The following NUDCD1 variants were observed in gnomAD, a reference collection of about 807,000 sequenced individuals.
NUDCD1 encodes nudC domain-containing protein 1.
Under a neutral mutation model 67.8 loss-of-function variants are expected in NUDCD1, and 60 were observed. That is an observed-to-expected ratio of 0.88 (90% confidence interval 0.72 to 1.10). NUDCD1 has a LOEUF of 1.10. NUDCD1 is among the 50% of genes least tolerant of loss of function. The probability of loss-of-function intolerance (pLI) is 0.00; values close to 1 mark genes in which losing one functional copy is unlikely to be tolerated. For synonymous variants in NUDCD1, 244 were observed against 230.8 expected (o/e 1.06, Z -0.52); for missense variants, 643 against 695.0 (o/e 0.93, Z 0.84).
At chr8:109,266,421 T>G (rs1302808134) in intron 8 of NUDCD1, among the ~76,000 whole-genome samples, 12 of 148,436 alleles carry the variant, frequency 8.1e-5, no homozygotes, top group Admixed American at 2.7e-4. Flanking sequence ...TTTTTTCGTA[T>G]TTTCAGTAGA....
chr8:109,244,759 T>C (rs1813455795), intron 9 of NUDCD1, among the ~76,000 whole-genome samples: 1 of 152,204 alleles, frequency 6.6e-6, no homozygotes, highest in Non-Finnish European at 1.5e-5. Context: ...TATAATTAAG[T>C]AGTTTAAACA....
chr8:109,322,510 G>A, intron 1 of NUDCD1, 47 bp from the exon 2 acceptor site: 2 of 1,492,672 alleles, frequency 1.3e-6, no homozygotes, highest in South Asian at 2.6e-5. Context: ...TTTTGCCTCA[G>A]ATAGTTTCTA....
intron 6 of NUDCD1, among the ~76,000 whole-genome samples, chr8:109,277,677 A>G (rs1243711083): frequency 3.3e-5 from 5 of 152,176 alleles, no homozygotes; most frequent in Non-Finnish European, 5.9e-5. Context: ...CTCAAATTTA[A>G]TGGAAAAATA....
At chr8:109,263,346 C>T (rs999057111) in intron 8 of NUDCD1, among the ~76,000 whole-genome samples, 1 of 152,124 alleles carries the variant, frequency 6.6e-6, no homozygotes, top group Non-Finnish European at 1.5e-5. Flanking sequence ...GATTCAAGTT[C>T]CCTAAGCTCA....
intron 8 of NUDCD1, among the ~76,000 whole-genome samples, chr8:109,245,848 G>C (rs1044001335): frequency 6.6e-6 from 1 of 152,136 alleles, no homozygotes; most frequent in African/African-American, 2.4e-5. Context: ...TCACTGAGCC[G>C]CAGACTGGTA....
chr8:109,320,165 C>A (rs1313748006), intron 2 of NUDCD1, among the ~76,000 whole-genome samples: 3 of 152,252 alleles, frequency 2.0e-5, no homozygotes, highest in Non-Finnish European at 4.4e-5. Context: ...AACATCTTAT[C>A]AGGAGACAGG....
chr8:109,284,883 G>GT (rs918276544), intron 5 of NUDCD1, among the ~76,000 whole-genome samples: 32 of 150,412 alleles, frequency 2.1e-4, no homozygotes, highest in African/African-American at 5.6e-4. Context: ...CCAAAAGTTG[G>GT]TTTTTTTTTG....
At position 109,333,861 on chromosome 8, in the gene NUDCD1, AACGGAGT is replaced by A; in HGVS notation, c.118+25_118+31del. On this transcript the variant is annotated intron_variant, in intron 1 of 9. Transcript: ENST00000239690. ...CCGGAGGCAGCCGAAAGGGGAAAGG[AACGGAGT>A]ACGAAGGGCGCCGCCGCTTCCCACC... is the stretch of plus-strand genomic sequence containing the variant. 3.1e-6 allele frequency: 5 copies of A among 1,612,122 alleles called. No homozygotes were observed. In the Middle Eastern group the frequency reaches 6.9e-4, roughly 222 times the overall value.
Position 109,334,034 on chromosome 8 carries a change from G to A in NUDCD1, c.-24C>T, listed in dbSNP as rs1192219550. Reference sequence around the variant, plus strand: ...ATCGCTTTCCAGGGCCGCAGCGTGAGAATTAATAAAGCCCTTGTTGAAAGG... The same window carrying A: ...ATCGCTTTCCAGGGCCGCAGCGTGAAAATTAATAAAGCCCTTGTTGAAAGG... On this transcript the variant is annotated 5_prime_UTR_variant, in exon 1 of 10. Transcript: ENST00000239690. 3.7e-6 allele frequency: 6 copies of A among 1,613,862 alleles called. No individual in the cohort carries two copies. Among genetic ancestry groups the A allele is most frequent in the Non-Finnish European group, 5.1e-6 (6 of 1,179,944 alleles).
chr8:109,302,142 C>T lies in NUDCD1; in HGVS notation c.274-5573G>A, dbSNP rs149755552. ...AAAAACTTAAAATCTCTTCAACTCA[C>T]ACCTGACCTGAAACCTAAGCATCTT... On this transcript the variant is annotated intron_variant, in intron 2 of 9. Coordinates refer to ENST00000239690, the MANE Select transcript of NUDCD1 (RefSeq NM_032869.4). 1.1e-4 allele frequency among the ~76,000 whole-genome samples: 16 copies of T among 152,316 alleles called. No individual in the cohort carries two copies. The East Asian group carries it at 2.7e-3, about 26-fold the overall frequency.
intron 8 of NUDCD1, among the ~76,000 whole-genome samples, chr8:109,254,501 A>G (rs1255419825): frequency 6.6e-6 from 1 of 152,194 alleles, no homozygotes; most frequent in East Asian, 1.9e-4. Context: ...ATCTTACTGC[A>G]TAAAAACCAA....
At chr8:109,323,265 T>A (rs1815584532) in intron 1 of NUDCD1, among the ~76,000 whole-genome samples, 2 of 152,230 alleles carry the variant, frequency 1.3e-5, no homozygotes, top group African/African-American at 4.8e-5. Flanking sequence ...TGTATTCTGA[T>A]GGCAACTGTT....
intron 5 of NUDCD1, among the ~76,000 whole-genome samples, chr8:109,283,131 C>G (rs1563670911): frequency 6.6e-6 from 1 of 152,150 alleles, no homozygotes; most frequent in Non-Finnish European, 1.5e-5. Context: ...GAAAAACTCA[C>G]TTATGGAATT....
rs917212470 is a variant in NUDCD1 at position 109,258,560 on chromosome 8, T to C, written c.1299+12445A>G. On this transcript the variant is annotated intron_variant, in intron 8 of 9. Coordinates refer to ENST00000239690, the MANE Select transcript of NUDCD1 (RefSeq NM_032869.4). ...AATTCTTCCAACTGGGATAGTAATT[T>C]ATGATAGCTGCTAAAAATGGCTTTG... Among the ~76,000 whole-genome samples, 4 of 152,148 alleles carry C rather than the reference T, an allele frequency of 2.6e-5. No homozygotes were observed. The East Asian group carries it at 7.7e-4, about 29-fold the overall frequency.
chr8:109,331,472 C>A (rs1815804197), intron 1 of NUDCD1, among the ~76,000 whole-genome samples: 1 of 140,270 alleles, frequency 7.1e-6, no homozygotes, highest in South Asian at 2.3e-4. Context: ...GACGAGATCA[C>A]ACTACTACAG....
chr8:109,325,045 G>A (rs563671026), intron 1 of NUDCD1, among the ~76,000 whole-genome samples: 6 of 152,104 alleles, frequency 3.9e-5, no homozygotes, highest in East Asian at 1.9e-4. Context: ...AGCCGAGATC[G>A]CTCCACTGCA....
chr8:109,259,216 T>A (rs1017910831), intron 8 of NUDCD1, among the ~76,000 whole-genome samples: 2 of 152,238 alleles, frequency 1.3e-5, no homozygotes, highest in Non-Finnish European at 2.9e-5. Flanking sequence ...AGTAGAATAA[T>A]GTTTCTTCTA....
At chr8:109,271,936 T>C (rs993926157) in intron 7 of NUDCD1, among the ~76,000 whole-genome samples, 2 of 151,980 alleles carry the variant, frequency 1.3e-5, no homozygotes, top group Non-Finnish European at 2.9e-5. Flanking sequence ...CACCAAATTA[T>C]ATACATAACA....
At chr8:109,278,803 C>T (rs982464700) in intron 6 of NUDCD1, among the ~76,000 whole-genome samples, 4 of 152,178 alleles carry the variant, frequency 2.6e-5, no homozygotes, top group African/African-American at 9.7e-5. Context: ...TTCAGTAACA[C>T]TAGAGATATT....
Sources: allele counts gnomAD v4.1 joint callset (sites outside exome capture counted in the v4.1 genomes callset), GRCh38; gene constraint gnomAD v4.1.1; transcripts MANE v1.5; gene names NCBI Gene and HGNC (gene_info 2026-07-23, HGNC 2026-07-21).